Variants in TLN1 observed in about 807,000 individuals in gnomAD.
The protein encoded by TLN1 is talin-1.
Under a neutral mutation model 292.3 loss-of-function variants are expected in TLN1, and 56 were observed. That is an observed-to-expected ratio of 0.19 (90% CI 0.15 to 0.24). TLN1 has a LOEUF of 0.24. Among genes scored for constraint, TLN1 ranks in the 10% least tolerant of loss-of-function variants. The pLI is 1.00. For missense variants in TLN1, 2,433 were observed against 3,248.2 expected, an observed-to-expected ratio of 0.75 and a Z score of 6.10; for synonymous variants, 1,119 against 1,253.7, an observed-to-expected ratio of 0.89 and a Z score of 2.27.
rs1246169698 is a variant in TLN1 at position 35,698,270 on chromosome 9, A to T, written c.7371+53T>A. The T allele has an allele frequency of 1.2e-5, 20 of 1,608,650 alleles. No individual in the cohort carries two copies. The highest frequency in any genetic ancestry group is 1.6e-5 in the Non-Finnish European group (19 of 1,176,012). On this transcript the variant is annotated intron_variant, in intron 55 of 56. Transcript: ENST00000314888. The surrounding 1 kb of genome is among the most constrained non-coding windows in gnomAD (Gnocchi z 5.3). ...CATAGAAACATACATCTCGGGAGTG[A>T]CAGTTTGAAGCAGTATAGCCCAAGG...
chr9:35,704,039 C>G lies in TLN1; in HGVS notation c.6183G>C (p.Val2061=), dbSNP rs1156281123. The G allele has an allele frequency of 1.2e-6, 2 of 1,613,830 alleles. No homozygotes were observed. The highest frequency in any genetic ancestry group is 2.2e-5 in the South Asian group (2 of 91,042). Residue 2061 remains valine (V), a synonymous_variant, in exon 46 of 57, where the codon GTG becomes GTC. Coordinates refer to ENST00000314888, the MANE Select transcript of TLN1 (RefSeq NM_006289.4). This position sits in a 1 kb window ranked among gnomAD's most constrained non-coding sequence, Gnocchi z 6.9. ...SVATITRLAD[V]VKLGAASLGA... is the part of the protein sequence containing the mutation. ...CCAGGCTGGCTGCACCCAGCTTGAC[C>G]ACATCAGCGAGGCGGGTGATGGTCG...
At chr9:35,728,346 C>T (rs1826014265) in intron 1 of TLN1, among the ~76,000 whole-genome samples, 1 of 152,194 alleles carries the variant, frequency 6.6e-6, no homozygotes, top group Non-Finnish European at 1.5e-5. Flanking sequence ...GAGTAACACT[C>T]AGTCTGTTAC....
At chr9:35,712,612 C>A (rs1394203414) in intron 27 of TLN1, among the ~76,000 whole-genome samples, 2 of 146,922 alleles carry the variant, frequency 1.4e-5, no homozygotes, top group Non-Finnish European at 3.0e-5. Context: ...TGCGCCATTG[C>A]ACTCCAGCCT....
In TLN1 at chr9:35,714,606, C is replaced by G; in HGVS notation, c.2953G>C (p.Ala985Pro). The part of the protein sequence containing the change: ...AQPDSPSAQL[A>P]LIAASQSFLQ... ...AAGCTCTGGCTGGCAGCAATGAGGGCAAGCTGAGCGCTGGGGCTGTCAGGC... is the reference window on the plus strand; with the variant it reads ...AAGCTCTGGCTGGCAGCAATGAGGGGAAGCTGAGCGCTGGGGCTGTCAGGC... Residue 985 changes from alanine (A) to proline (P), a missense_variant, in exon 23 of 57, where the codon GCC (alanine) becomes CCC (proline). This residue lies in a region of TLN1 where 617 missense variants were observed against 770.6 expected (regional missense o/e 0.80). Transcript: ENST00000314888. This position sits in a 1 kb window ranked among gnomAD's most constrained non-coding sequence, Gnocchi z 4.6. 1 of 1,612,592 alleles carries G rather than the reference C, an allele frequency of 6.2e-7. No homozygotes were observed. The highest frequency in any genetic ancestry group is 8.5e-7 in the Non-Finnish European group (1 of 1,180,012).
intron 11 of TLN1, 86 bp from the exon 12 acceptor site, chr9:35,720,595 C>G: frequency 7.3e-7 from 1 of 1,366,432 alleles, no homozygotes; most frequent in Non-Finnish European, 1.0e-6. Flanking sequence ...CCATAACCAG[C>G]CATTTTCCAG....
At position 35,713,551 on chromosome 9, in the gene TLN1, G is replaced by A. The variant is rs558537279; in HGVS notation, c.3250-253C>T. ...ATACAAAAATTAGCCAGGCGTGGTGGTGCATGCCTGTAATCCCAGCTACTC... is the reference window on the plus strand; with the variant it reads ...ATACAAAAATTAGCCAGGCGTGGTGATGCATGCCTGTAATCCCAGCTACTC... On this transcript the variant is annotated intron_variant, in intron 25 of 56. Coordinates refer to ENST00000314888, the MANE Select transcript of TLN1 (RefSeq NM_006289.4). 5.9e-5 allele frequency among the ~76,000 whole-genome samples: 9 copies of A among 152,192 alleles called. 1 individual carries two copies. In the East Asian group the frequency reaches 1.7e-3, roughly 29 times the overall value.
chr9:35,699,862 G>A lies in TLN1; in HGVS notation c.6768+112C>T. On this transcript the variant is annotated intron_variant, in intron 50 of 56. Transcript: ENST00000314888. The surrounding 1 kb of genome is among the most constrained non-coding windows in gnomAD (Gnocchi z 4.0). ...GGAGAACAGATTTGGGAAGTAGAGG[G>A]TGGGGTAGGGAGGAGATCTGAGCAA... 8.4e-7 allele frequency: 1 copy of A among 1,185,770 alleles called. No individual in the cohort carries two copies. Among genetic ancestry groups the A allele is most frequent in the South Asian group, 1.6e-5 (1 of 63,376 alleles). The allele number at this position is 1,185,770 out of a possible 1,614,324, so 73.5% of individuals were successfully genotyped here. A position where few individuals can be genotyped will look rare whatever the true frequency, so the allele number is the denominator to read the frequency against.
At chr9:35,725,465 T>G (rs1409299547) in intron 2 of TLN1, 100 bp downstream of exon 2, 1 of 1,548,114 alleles carries the variant, frequency 6.5e-7, no homozygotes, top group East Asian at 2.3e-5. Context: ...GAGGGGTGAG[T>G]AGTCTTAGGG....
chr9:35,709,759 C>T (rs535317988), intron 33 of TLN1, among the ~76,000 whole-genome samples: 40 of 150,056 alleles, frequency 2.7e-4, no homozygotes, highest in African/African-American at 8.4e-4. Context: ...TGGTGGCGCG[C>T]GCCTGTAGTC....
intron 1 of TLN1, among the ~76,000 whole-genome samples, chr9:35,729,779 A>C (rs1478385759): frequency 2.0e-5 from 3 of 152,154 alleles, no homozygotes; most frequent in Non-Finnish European, 2.9e-5. Context: ...GCTTGAGTTT[A>C]GGCGACGAAT....
chr9:35,729,627 C>A (rs1005189042), intron 1 of TLN1, among the ~76,000 whole-genome samples: 3 of 152,106 alleles, frequency 2.0e-5, no homozygotes, highest in African/African-American at 7.2e-5. Flanking sequence ...GTAATGAAGC[C>A]GGAGTTGGAA....
chr9:35,712,148 T>C, intron 27 of TLN1, 24 bp from the exon 28 acceptor site: 1 of 1,606,218 alleles, frequency 6.2e-7, no homozygotes. Flanking sequence ...GGAGACAGGG[T>C]TGCCCAAGTG....
Position 35,697,609 on chromosome 9 carries a change from A to C in TLN1, c.*182T>G. On this transcript the variant is annotated 3_prime_UTR_variant, in exon 57 of 57. Coordinates refer to ENST00000314888, the MANE Select transcript of TLN1 (RefSeq NM_006289.4). ...TTGGGGGGCCCTAGGGCATGAAGGCACTTGGGGTTGGGGAGGGGACAGGGG... is the reference window on the plus strand; with the variant it reads ...TTGGGGGGCCCTAGGGCATGAAGGCCCTTGGGGTTGGGGAGGGGACAGGGG... 1.2e-6 allele frequency: 1 copy of C among 806,626 alleles called. No homozygotes were observed. Among genetic ancestry groups the C allele is most frequent in the Non-Finnish European group, 1.9e-6 (1 of 528,134 alleles). 50.0% of individuals were successfully genotyped at this position (806,626 alleles called of 1,614,324 possible).
At chr9:35,713,722 AGAG>A (rs1825719956) in intron 25 of TLN1, among the ~76,000 whole-genome samples, 1 of 151,728 alleles carries the variant, frequency 6.6e-6, no homozygotes, top group Non-Finnish European at 1.5e-5. Context: ...AGAAAAGAAA[AGAG>A]AAAAGAAAAG....
rs376912758 is a variant in TLN1, at chr9:35,700,394, G to C, written c.6475-18C>G. 3.8e-6 allele frequency: 6 copies of C among 1,588,750 alleles called. No homozygotes were observed. Among genetic ancestry groups the C allele is most frequent in the Non-Finnish European group, 5.2e-6 (6 of 1,161,046 alleles). ...CAGAAAACCTGTGGGGGCAGAAGAA[G>C]AAGAAAGATTTTACAGTGGCTGAGA... On this transcript the variant is annotated intron_variant, in intron 48 of 56. Coordinates refer to ENST00000314888, the MANE Select transcript of TLN1 (RefSeq NM_006289.4).
chr9:35,724,422 C>T lies in TLN1; in HGVS notation c.512-88G>A. ...TTTATTTCTGCATTTCCTACCTCCCCTCACTTAAATGTAAGTCCCATGAGT... is the reference window on the plus strand; with the variant it reads ...TTTATTTCTGCATTTCCTACCTCCCTTCACTTAAATGTAAGTCCCATGAGT... On this transcript the variant is annotated intron_variant, in intron 5 of 56. Transcript: ENST00000314888. The surrounding 1 kb of genome is among the most constrained non-coding windows in gnomAD (Gnocchi z 4.7). The T allele has an allele frequency of 6.3e-7, 1 of 1,585,126 alleles. No homozygotes were observed. Among genetic ancestry groups the T allele is most frequent in the Non-Finnish European group, 8.6e-7 (1 of 1,159,444 alleles).
Position 35,719,859 on chromosome 9 carries a change from G to A in TLN1, c.1465-6C>T. 1 of 1,578,960 alleles carries A rather than the reference G, an allele frequency of 6.3e-7. No individual in the cohort carries two copies. The highest frequency in any genetic ancestry group is 1.9e-5 in the Admixed American group (1 of 53,412). On this transcript the variant is annotated splice_polypyrimidine_tract_variant and splice_region_variant and intron_variant, in intron 13 of 56. Transcript: ENST00000314888. The surrounding 1 kb of genome is among the most constrained non-coding windows in gnomAD (Gnocchi z 4.6). ...AGTGCCTGCTGGGCTGAAGTCTAAA[G>A]ACAAGTGGGGAGAAACAGGGACTGG... is the stretch of plus-strand genomic sequence containing the variant.
At chr9:35,718,647 A>G (rs2131900782) in intron 17 of TLN1, among the ~76,000 whole-genome samples, 165 bp downstream of exon 17, 1 of 152,222 alleles carries the variant, frequency 6.6e-6, no homozygotes, top group African/African-American at 2.4e-5. Flanking sequence ...CTGAATTCTA[A>G]CCCCTAAAAG....
At position 35,724,590 on chromosome 9, in the gene TLN1, A is replaced by G; in HGVS notation, c.493T>C (p.Leu165=). Residue 165 remains leucine (L), a synonymous_variant, in exon 5 of 57, where the codon TTG becomes CTG. Coordinates refer to ENST00000314888, the MANE Select transcript of TLN1 (RefSeq NM_006289.4). This position sits in a 1 kb window ranked among gnomAD's most constrained non-coding sequence, Gnocchi z 4.7. The part of the protein sequence containing the change: ...EKKMEKLKQK[L]HTDDELNWLD... ...TGCTTACACTCATCATCTGTGTGCA[A>G]TTTCTGCTTTAGTTTCTCCATCTTC... 1 of 1,614,032 alleles carries G rather than the reference A, an allele frequency of 6.2e-7. No homozygotes were observed. The highest frequency in any genetic ancestry group is 8.5e-7 in the Non-Finnish European group (1 of 1,180,004).
Sources: allele counts gnomAD v4.1 joint callset (sites outside exome capture counted in the v4.1 genomes callset), GRCh38; gene constraint gnomAD v4.1.1; regional missense constraint gnomAD v4.1.1; non-coding constraint Gnocchi (gnomAD v3.1); transcripts MANE v1.5; gene names NCBI Gene and HGNC (gene_info 2026-07-23, HGNC 2026-07-21).